NRG3: variants seen among roughly 807,000 people sequenced by gnomAD.
The protein encoded by NRG3 is pro-neuregulin-3, membrane-bound isoform.
In NRG3, 31 loss-of-function variants were observed where a neutral mutation model predicts 66.9. The ratio of observed to expected loss-of-function variants is 0.46; its 90% CI spans 0.35 to 0.63. The LOEUF (loss-of-function observed/expected upper bound fraction) is 0.63, where lower values mean the gene tolerates loss of function less well. Among genes scored for constraint, NRG3 ranks in the 20% least tolerant of loss-of-function variants. NRG3 has a pLI of 0.00. For missense variants in NRG3, 910 were observed against 878.9 expected (o/e 1.04, Z -0.45); for synonymous variants, 393 against 359.4 (o/e 1.09, Z -1.06).
At chr10:82,291,170 A>G (rs939894138) in intron 1 of NRG3, among the ~76,000 whole-genome samples, 2 of 151,970 alleles carry the variant, frequency 1.3e-5, no homozygotes, top group African/African-American at 2.4e-5. Context: ...ACACACACAC[A>G]CACGCACGCA....
intron 2 of NRG3, among the ~76,000 whole-genome samples, chr10:82,721,642 G>A (rs2057329988): frequency 6.7e-6 from 1 of 148,960 alleles, no homozygotes; most frequent in African/African-American, 2.5e-5. Context: ...AGGCTCGTCT[G>A]GAACTCCTGA....
chr10:82,479,823 C>T (rs567685359), intron 2 of NRG3, among the ~76,000 whole-genome samples: 3 of 151,756 alleles, frequency 2.0e-5, no homozygotes, highest in African/African-American at 7.3e-5. Context: ...AAAAAATTAG[C>T]GGGGCGTGGT....
chr10:82,218,728 C>G (rs1372587773), intron 1 of NRG3, among the ~76,000 whole-genome samples: 1 of 152,100 alleles, frequency 6.6e-6, no homozygotes, highest in East Asian at 1.9e-4. Flanking sequence ...AGCTAGAAAG[C>G]CATCTCCTAG....
intron 1 of NRG3, among the ~76,000 whole-genome samples, chr10:82,120,849 G>T (rs2068041890): frequency 6.6e-6 from 1 of 152,090 alleles, no homozygotes. Flanking sequence ...CTCCTTCTCT[G>T]CATACGGGGA....
At chr10:82,085,846 C>T (rs1457709027) in intron 1 of NRG3, among the ~76,000 whole-genome samples, 1 of 151,926 alleles carries the variant, frequency 6.6e-6, no homozygotes, top group Non-Finnish European at 1.5e-5. Flanking sequence ...ACCATGTTGG[C>T]CAGGCTAGTC....
intron 6 of NRG3, among the ~76,000 whole-genome samples, chr10:82,961,506 AG>A (rs1260840180): frequency 6.6e-5 from 10 of 152,258 alleles, no homozygotes; most frequent in Non-Finnish European, 1.2e-4. Context: ...GCTAGTAAGT[AG>A]CTGAAAGACA....
At chr10:82,488,967 A>C (rs1388953154) in intron 2 of NRG3, among the ~76,000 whole-genome samples, 1 of 152,026 alleles carries the variant, frequency 6.6e-6, no homozygotes, top group African/African-American at 2.4e-5. Context: ...CCAGTTACCT[A>C]ATATATATAT....
intron 3 of NRG3, among the ~76,000 whole-genome samples, chr10:82,858,318 A>G (rs1465133880): frequency 6.6e-6 from 1 of 152,080 alleles, no homozygotes; most frequent in African/African-American, 2.4e-5. Context: ...GAACTCTTAA[A>G]GTCTACTCCA....
chr10:82,776,919 T>C (rs1180271812), intron 3 of NRG3, among the ~76,000 whole-genome samples: 5 of 152,178 alleles, frequency 3.3e-5, no homozygotes, highest in East Asian at 1.9e-4. Flanking sequence ...TTTGTAATTT[T>C]CATTTATATG....
At chr10:82,000,680 T>G (rs984936446) in intron 1 of NRG3, among the ~76,000 whole-genome samples, 1 of 152,194 alleles carries the variant, frequency 6.6e-6, no homozygotes, top group Non-Finnish European at 1.5e-5. Flanking sequence ...AGCCTCCTAA[T>G]TTATTCACAA....
intron 1 of NRG3, among the ~76,000 whole-genome samples, chr10:81,909,616 A>G (rs1844929434): frequency 2.0e-5 from 3 of 152,190 alleles, no homozygotes; most frequent in Non-Finnish European, 2.9e-5. Context: ...ACTACAGAGT[A>G]ACAACAACAT....
intron 3 of NRG3, among the ~76,000 whole-genome samples, chr10:82,828,146 A>C (rs527464692): frequency 6.6e-6 from 1 of 152,238 alleles, no homozygotes; most frequent in African/African-American, 2.4e-5. Flanking sequence ...GTACAGTCAT[A>C]GGAGGGTTCA....
intron 3 of NRG3, among the ~76,000 whole-genome samples, chr10:82,744,106 T>A (rs2058544146): frequency 6.6e-6 from 1 of 152,152 alleles, no homozygotes; most frequent in East Asian, 1.9e-4. Context: ...GCAGGCTGTC[T>A]TGCAAGCCAT....
chr10:82,240,770 A>AGAG (rs1457626351), intron 1 of NRG3, among the ~76,000 whole-genome samples: 1 of 152,174 alleles, frequency 6.6e-6, no homozygotes, highest in African/African-American at 2.4e-5. Flanking sequence ...GTGTGTTTAG[A>AGAG]GAGGACTTCT....
intron 1 of NRG3, among the ~76,000 whole-genome samples, chr10:81,913,370 G>A (rs368967638): frequency 1.5e-4 from 23 of 152,048 alleles, no homozygotes; most frequent in South Asian, 8.3e-4. Flanking sequence ...GGGCAGAACC[G>A]TGGCTTTTCT....
At chr10:82,250,628 T>C (rs528508988) in intron 1 of NRG3, among the ~76,000 whole-genome samples, 4 of 152,280 alleles carry the variant, frequency 2.6e-5, no homozygotes, top group African/African-American at 7.2e-5. Context: ...CAAGACCACG[T>C]TGGTCTTGAC....
At chr10:82,482,936 A>G (rs1842398270) in intron 2 of NRG3, among the ~76,000 whole-genome samples, 1 of 152,104 alleles carries the variant, frequency 6.6e-6, no homozygotes, top group African/African-American at 2.4e-5. Context: ...GGAGGGAGTA[A>G]ATCTTACTGT....
chr10:81,875,931 G>C lies in NRG3; in HGVS notation c.591G>C (p.Thr197=), dbSNP rs1841588594. 6.2e-7 allele frequency: 1 copy of C among 1,613,394 alleles called. No homozygotes were observed. Among genetic ancestry groups the C allele is most frequent in the African/African-American group, 1.3e-5 (1 of 74,918 alleles). ...TAAPATVPST[T]APFFSSSTLG... is the part of the protein sequence containing the mutation. Reference sequence around the variant, plus strand: ...CCCCTGCGACGGTCCCGTCCACCACGGCCCCGTTCTTCAGTAGCAGCACGC... The same window carrying C: ...CCCCTGCGACGGTCCCGTCCACCACCGCCCCGTTCTTCAGTAGCAGCACGC... Residue 197 remains threonine, a synonymous_variant, in exon 1 of 9, where the codon ACG becomes ACC. Transcript: ENST00000372141. This position sits in a 1 kb window ranked among gnomAD's most constrained non-coding sequence, Gnocchi z 5.3.
At chr10:82,760,345 C>T (rs2059254311) in intron 3 of NRG3, among the ~76,000 whole-genome samples, 1 of 151,996 alleles carries the variant, frequency 6.6e-6, no homozygotes, top group African/African-American at 2.4e-5. Context: ...AAGAAAAAAG[C>T]ATATAAGAAA....
Sources: gnomAD v4.1 joint callset for allele counts (sites outside exome capture counted in the v4.1 genomes callset) on GRCh38, gnomAD v4.1.1 for gene constraint, Gnocchi (gnomAD v3.1) non-coding constraint, MANE v1.5 for transcripts, NCBI Gene and HGNC (gene_info 2026-07-23, HGNC 2026-07-21) for gene names.